Variants in BBS9 observed in about 807,000 individuals in gnomAD.
The protein encoded by BBS9 is protein PTHB1.
A neutral mutation model predicts 117.7 loss-of-function variants in BBS9; 89 were observed. The observed-to-expected ratio is 0.76, with a 90% CI of 0.64 to 0.90. The LOEUF (loss-of-function observed/expected upper bound fraction) is 0.90, where lower values mean the gene tolerates loss of function less well. Ranked by LOEUF, BBS9 falls within the 40% of genes least tolerant of loss-of-function variation. The pLI, the probability that BBS9 is intolerant of heterozygous loss-of-function variation, is 0.00. For missense variants in BBS9, 982 were observed against 1,042.2 expected, an observed-to-expected ratio of 0.94 and a Z score of 0.80; for synonymous variants, 379 against 370.9, an observed-to-expected ratio of 1.02 and a Z score of -0.25.
intron 19 of BBS9, among the ~76,000 whole-genome samples, chr7:33,427,186 C>A (rs1211958087): frequency 6.6e-6 from 1 of 152,138 alleles, no homozygotes; most frequent in Non-Finnish European, 1.5e-5. Flanking sequence ...TCTGGGTACT[C>A]TTGTTGCTTT....
chr7:33,601,477 A>G (rs1277908357), intron 21 of BBS9, among the ~76,000 whole-genome samples: 1 of 152,048 alleles, frequency 6.6e-6, no homozygotes, highest in Non-Finnish European at 1.5e-5. Context: ...TATTTTATCT[A>G]TATTCTTTTG....
chr7:33,343,448 T>C (rs1816923572), intron 11 of BBS9, among the ~76,000 whole-genome samples: 1 of 152,132 alleles, frequency 6.6e-6, no homozygotes. Flanking sequence ...GTTTATGATA[T>C]GCACTGGTTA....
intron 19 of BBS9, among the ~76,000 whole-genome samples, chr7:33,427,572 A>G (rs539789665): frequency 1.3e-5 from 2 of 152,144 alleles, no homozygotes; most frequent in Admixed American, 1.3e-4. Context: ...CAGGTGTAGA[A>G]TTTGTTTATA....
intron 4 of BBS9, 25 bp from the exon 5 acceptor site, chr7:33,177,453 G>A: frequency 6.9e-7 from 1 of 1,444,228 alleles, no homozygotes; most frequent in Non-Finnish European, 9.7e-7. Context: ...CAAATACAAA[G>A]TAATCCTTTT....
Position 33,307,713 on chromosome 7 carries a change from T to C in BBS9, c.1017-28728T>C, listed in dbSNP as rs114737816. 8.1e-3 allele frequency among the ~76,000 whole-genome samples: 1,226 copies of C among 152,280 alleles called. 20 individuals are homozygous for C. The highest frequency in any genetic ancestry group is 0.028 in the African/African-American group (1,171 of 41,548). On this transcript the variant is annotated intron_variant, in intron 9 of 22. Coordinates refer to ENST00000242067, the MANE Select transcript of BBS9 (RefSeq NM_198428.3). Reference sequence around the variant, plus strand: ...CTATGTAAATAGTTGTTATACTGTATTTTTTAGGGCATAATGACAAGAAAA... The same window carrying C: ...CTATGTAAATAGTTGTTATACTGTACTTTTTAGGGCATAATGACAAGAAAA...
intron 4 of BBS9, among the ~76,000 whole-genome samples, chr7:33,160,435 G>A (rs4289712): frequency 0.18 from 26,765 of 152,086 alleles, 2,784 homozygotes; most frequent in East Asian, 0.43. Flanking sequence ...CCATGTATAA[G>A]GCTGGCTGCA....
At chr7:33,251,798 A>G (rs1460670308) in intron 5 of BBS9, among the ~76,000 whole-genome samples, 1 of 152,214 alleles carries the variant, frequency 6.6e-6, no homozygotes, top group African/African-American at 2.4e-5. Context: ...CACAGCTAAT[A>G]ATTGGTGGAG....
At chr7:33,379,211 C>T (rs989650136) in intron 17 of BBS9, among the ~76,000 whole-genome samples, 2 of 152,224 alleles carry the variant, frequency 1.3e-5, no homozygotes, top group African/African-American at 4.8e-5. Context: ...CCATAGATTT[C>T]CCCATGGCTT....
At chr7:33,208,677 G>A (rs1787418128) in intron 5 of BBS9, among the ~76,000 whole-genome samples, 1 of 152,160 alleles carries the variant, frequency 6.6e-6, no homozygotes, top group Non-Finnish European at 1.5e-5. Flanking sequence ...TATGGTGAAG[G>A]CAGCAAATGT....
chr7:33,524,650 A>G (rs1408654213), intron 20 of BBS9, among the ~76,000 whole-genome samples: 1 of 150,540 alleles, frequency 6.6e-6, no homozygotes, highest in Non-Finnish European at 1.5e-5. Flanking sequence ...TTTTTTCTTT[A>G]TTAGTCTTGC....
Position 33,418,032 on chromosome 7 carries a change from G to T in BBS9, c.2115+29888G>T, listed in dbSNP as rs574885069. ...ATATCCATCTTGTTCACTCTACCAAGCACAGTGCCTTGCGTACAGCATGCC... is the reference window on the plus strand; with the variant it reads ...ATATCCATCTTGTTCACTCTACCAATCACAGTGCCTTGCGTACAGCATGCC... On this transcript the variant is annotated intron_variant, in intron 19 of 22. Coordinates refer to ENST00000242067, the MANE Select transcript of BBS9 (RefSeq NM_198428.3). 2.0e-5 allele frequency among the ~76,000 whole-genome samples: 3 copies of T among 152,290 alleles called. No homozygotes were observed. In the South Asian group the frequency reaches 6.2e-4, roughly 32 times the overall value.
intron 16 of BBS9, among the ~76,000 whole-genome samples, chr7:33,359,432 C>T (rs1820222912): frequency 6.6e-6 from 1 of 151,940 alleles, no homozygotes; most frequent in Non-Finnish European, 1.5e-5. Context: ...ATCCATTTTC[C>T]TCCTGATTTT....
At position 33,412,031 on chromosome 7, in the gene BBS9, C is replaced by CT. The variant is rs111949161; in HGVS notation, c.2115+23896dup. Among the ~76,000 whole-genome samples the CT allele has an allele frequency of 5.0e-3, 758 of 151,108 alleles. 10 individuals carry two copies. The highest frequency in any genetic ancestry group is 0.017 in the African/African-American group (708 of 41,222). The stretch of plus-strand genomic sequence containing the variant: ...GTGAAATATGAGCAGATGCATCATA[C>CT]TTTTTTTTTAAACTAAAATGTATTA... On this transcript the variant is annotated intron_variant, in intron 19 of 22. Transcript: ENST00000242067.
At chr7:33,624,047 A>G (rs940000463) in intron 21 of BBS9, among the ~76,000 whole-genome samples, 1 of 152,122 alleles carries the variant, frequency 6.6e-6, no homozygotes, top group Admixed American at 6.5e-5. Context: ...TACCATAAAA[A>G]ATTTAAAAAC....
At chr7:33,371,818 TGAATTGAAACCAGCCATCCTTTTTA>T (rs1822916103) in intron 17 of BBS9, among the ~76,000 whole-genome samples, 1 of 152,174 alleles carries the variant, frequency 6.6e-6, no homozygotes, top group Non-Finnish European at 1.5e-5. Context: ...TCCTACATTT[TGAATTGAAACCAGCCATCCTTTTTA>T]GGTGATTTTC....
At chr7:33,476,962 G>A (rs796778513) in intron 19 of BBS9, among the ~76,000 whole-genome samples, 34 of 152,194 alleles carry the variant, frequency 2.2e-4, no homozygotes, top group African/African-American at 7.0e-4. Flanking sequence ...TTTAAAAGTT[G>A]GTAAATTATT....
rs111949161 is a variant in BBS9 at position 33,412,031 on chromosome 7, CT to C, written c.2115+23896del. ...GTGAAATATGAGCAGATGCATCATA[CT>C]TTTTTTTTAAACTAAAATGTATTAT... is the stretch of plus-strand genomic sequence containing the variant. On this transcript the variant is annotated intron_variant, in intron 19 of 22. Transcript: ENST00000242067. Among the ~76,000 whole-genome samples, 41 of 151,100 alleles carry C rather than the reference CT, an allele frequency of 2.7e-4. No individual in the cohort carries two copies. The South Asian group carries it at 8.2e-3, about 30-fold the overall frequency.
chr7:33,412,169 C>T (rs963293316), intron 19 of BBS9, among the ~76,000 whole-genome samples: 3 of 152,268 alleles, frequency 2.0e-5, no homozygotes, highest in East Asian at 1.9e-4. Flanking sequence ...GAAAAAAATT[C>T]ATAGCCATGC....
At chr7:33,567,255 C>G (rs1187121265) in intron 21 of BBS9, among the ~76,000 whole-genome samples, 1 of 152,158 alleles carries the variant, frequency 6.6e-6, no homozygotes, top group Non-Finnish European at 1.5e-5. Flanking sequence ...TTTCTTCTCC[C>G]AGCAGCATTC....
Sources: allele counts gnomAD v4.1 joint callset (sites outside exome capture counted in the v4.1 genomes callset), GRCh38; gene constraint gnomAD v4.1.1; transcripts MANE v1.5; gene names NCBI Gene and HGNC (gene_info 2026-07-23, HGNC 2026-07-21).